The following MACROD2 variants were observed in gnomAD, a reference collection of about 807,000 sequenced individuals.
MACROD2 encodes ADP-ribose glycohydrolase MACROD2.
MACROD2 carries 36 observed loss-of-function variants against 70.4 expected under a neutral mutation model. The ratio of observed to expected loss-of-function variants is 0.51; its 90% confidence interval spans 0.39 to 0.68. The LOEUF (loss-of-function observed/expected upper bound fraction) is 0.68, where lower values mean the gene tolerates loss of function less well. MACROD2 is among the 30% of genes least tolerant of loss of function. The pLI is 0.00. For missense variants in MACROD2, 496 were observed against 538.4 expected, an observed-to-expected ratio of 0.92 and a Z score of 0.78; for synonymous variants, 172 against 178.8, an observed-to-expected ratio of 0.96 and a Z score of 0.30.
At chr20:15,738,474 G>C (rs892774006) in intron 8 of MACROD2, among the ~76,000 whole-genome samples, 1 of 152,094 alleles carries the variant, frequency 6.6e-6, no homozygotes, top group Non-Finnish European at 1.5e-5. Flanking sequence ...TAGGTCTACA[G>C]AGTGAGAGTT....
intron 5 of MACROD2, among the ~76,000 whole-genome samples, chr20:14,921,422 T>C (rs890351533): frequency 2.0e-5 from 3 of 152,120 alleles, no homozygotes; most frequent in African/African-American, 7.2e-5. Flanking sequence ...AAATTTAAGA[T>C]TGGTTTTGAA....
intron 2 of MACROD2, among the ~76,000 whole-genome samples, chr20:14,073,829 T>A: frequency 6.6e-6 from 1 of 152,316 alleles, no homozygotes; most frequent in South Asian, 2.1e-4. Context: ...GGACATACTT[T>A]TTCCCCAAAT....
intron 8 of MACROD2, among the ~76,000 whole-genome samples, chr20:15,849,268 A>T (rs1374365910): frequency 6.6e-6 from 1 of 152,222 alleles, no homozygotes; most frequent in Non-Finnish European, 1.5e-5. Context: ...TGCCTTTTGA[A>T]CGAAAAGATT....
intron 8 of MACROD2, among the ~76,000 whole-genome samples, chr20:15,832,328 T>A (rs932293475): frequency 2.6e-5 from 4 of 151,978 alleles, no homozygotes; most frequent in Non-Finnish European, 5.9e-5. Context: ...GCTGCCCAGA[T>A]CCTCCCATCA....
chr20:15,582,109 C>T (rs1453812729), intron 8 of MACROD2, among the ~76,000 whole-genome samples: 5 of 141,302 alleles, frequency 3.5e-5, no homozygotes, highest in African/African-American at 5.0e-5. Flanking sequence ...GCGACAGTGC[C>T]AGACTCGGTC....
At chr20:14,809,473 G>A (rs759026893) in intron 5 of MACROD2, among the ~76,000 whole-genome samples, 1 of 151,974 alleles carries the variant, frequency 6.6e-6, no homozygotes, top group Admixed American at 6.6e-5. Flanking sequence ...ATGCCCACAA[G>A]AGAAAGCAGG....
chr20:14,603,190 C>T (rs1982601413), intron 4 of MACROD2, among the ~76,000 whole-genome samples: 1 of 152,166 alleles, frequency 6.6e-6, no homozygotes, highest in South Asian at 2.1e-4. Context: ...ATAACTTTCT[C>T]AGGCTTGAAG....
intron 8 of MACROD2, among the ~76,000 whole-genome samples, chr20:15,571,699 T>G (rs1233752): frequency 0.79 from 119,432 of 151,876 alleles, 51,134 homozygotes; most frequent in Non-Finnish European, 0.97. Context: ...ACATTGGCCA[T>G]ATGAGGATGG....
chr20:15,883,040 AAC>A (rs1491053183), intron 9 of MACROD2, among the ~76,000 whole-genome samples: 4 of 149,490 alleles, frequency 2.7e-5, no homozygotes, highest in African/African-American at 9.9e-5. Context: ...TAAAAAAAAA[AAC>A]AAACAAACAA....
chr20:14,568,657 G>A (rs1979968690), intron 4 of MACROD2, among the ~76,000 whole-genome samples: 1 of 151,984 alleles, frequency 6.6e-6, no homozygotes, highest in South Asian at 2.1e-4. Flanking sequence ...ATGGGTTTGT[G>A]TTATGTAAAC....
intron 3 of MACROD2, among the ~76,000 whole-genome samples, chr20:14,145,318 T>G (rs542762134): frequency 6.6e-6 from 1 of 152,348 alleles, no homozygotes; most frequent in African/African-American, 2.4e-5. Context: ...TAACCTCGTC[T>G]AGTGTTTGTG....
At chr20:14,959,883 C>T (rs757581645) in intron 5 of MACROD2, among the ~76,000 whole-genome samples, 7 of 152,132 alleles carry the variant, frequency 4.6e-5, no homozygotes, top group Non-Finnish European at 1.0e-4. Flanking sequence ...ATCTGTAATA[C>T]CTGATTTACC....
chr20:15,967,635 G>A lies in MACROD2; in HGVS notation c.985+5G>A, dbSNP rs755005070. 6.7e-7 allele frequency: 1 copy of A among 1,490,276 alleles called. No individual in the cohort carries two copies. Among genetic ancestry groups the A allele is most frequent in the Non-Finnish European group, 9.1e-7 (1 of 1,099,134 alleles). The allele number at this position is 1,490,276 out of a possible 1,614,324, so 92.3% of individuals were successfully genotyped here. A position where few individuals can be genotyped will look rare whatever the true frequency, so the allele number is the denominator to read the frequency against. ...GTGACCAAGATCATCCCGATGGTAG[G>A]TTGTGAAATCCTTTATTAGATTTTC... On this transcript the variant is annotated splice_donor_5th_base_variant and intron_variant, in intron 13 of 17. Transcript: ENST00000684519.
intron 3 of MACROD2, among the ~76,000 whole-genome samples, chr20:14,338,427 G>T (rs2082975777): frequency 6.6e-6 from 1 of 152,110 alleles, no homozygotes; most frequent in African/African-American, 2.4e-5. Flanking sequence ...AGGGCAATAG[G>T]AATGCCAAAA....
chr20:15,921,494 T>A (rs967557636), intron 10 of MACROD2, among the ~76,000 whole-genome samples: 1 of 152,212 alleles, frequency 6.6e-6, no homozygotes, highest in Admixed American at 6.5e-5. Flanking sequence ...GGAGCGATCA[T>A]CCCTCTCTCT....
chr20:15,869,596 C>T (rs1178746405), intron 9 of MACROD2, among the ~76,000 whole-genome samples: 3 of 151,840 alleles, frequency 2.0e-5, no homozygotes, highest in Admixed American at 2.0e-4. Flanking sequence ...AAATAGTAGA[C>T]ATAAAACATG....
chr20:14,612,795 A>G (rs1278166310), intron 4 of MACROD2, among the ~76,000 whole-genome samples: 1 of 152,248 alleles, frequency 6.6e-6, no homozygotes, highest in African/African-American at 2.4e-5. Context: ...TTTAAATTCT[A>G]AAAGTATTAT....
intron 5 of MACROD2, among the ~76,000 whole-genome samples, chr20:15,174,349 AAT>A (rs1391284645): frequency 6.6e-6 from 1 of 152,208 alleles, no homozygotes; most frequent in African/African-American, 2.4e-5. Flanking sequence ...TTTTAAGTAA[AAT>A]ATATGAGCAT....
intron 8 of MACROD2, among the ~76,000 whole-genome samples, chr20:15,684,249 C>T (rs1174653342): frequency 6.6e-6 from 1 of 152,154 alleles, no homozygotes; most frequent in African/African-American, 2.4e-5. Context: ...TGCCATTCCT[C>T]AGTATGTAAA....
Sources: gnomAD v4.1 joint callset for allele counts (sites outside exome capture counted in the v4.1 genomes callset) on GRCh38, gnomAD v4.1.1 for gene constraint, MANE v1.5 for transcripts, NCBI Gene and HGNC (gene_info 2026-07-23, HGNC 2026-07-21) for gene names.